ABI3BP: variants seen among roughly 807,000 people sequenced by gnomAD.
ABI3BP encodes ABI family member 3 binding protein.
In ABI3BP, 216 loss-of-function variants were observed where a neutral mutation model predicts 268.6. The ratio of observed to expected loss-of-function variants is 0.80; its 90% CI spans 0.72 to 0.90. The LOEUF is 0.90. Among genes scored for constraint, ABI3BP ranks in the 40% least tolerant of loss-of-function variants. ABI3BP has a pLI of 0.00. For synonymous variants in ABI3BP, 730 were observed against 730.0 expected, an observed-to-expected ratio of 1.00 and a Z score of 0.00; for missense variants, 2,090 against 2,182.4, an observed-to-expected ratio of 0.96 and a Z score of 0.84.
At chr3:100,880,869 T>C (rs2099222270) in intron 6 of ABI3BP, among the ~76,000 whole-genome samples, 3 of 152,120 alleles carry the variant, frequency 2.0e-5, no homozygotes, top group Admixed American at 2.0e-4. Context: ...TTTTGTGGCA[T>C]CAGAATATTA....
Position 100,820,271 on chromosome 3 carries a change from G to A in ABI3BP, c.2980C>T (p.Arg994Cys), listed in dbSNP as rs749192370. The A allele has an allele frequency of 5.9e-6, 9 of 1,536,066 alleles. No homozygotes were observed. The highest frequency in any genetic ancestry group is 3.9e-5 in the Admixed American group (2 of 50,972). ...CTTGGTGTGGTTTTAGTTTTGGGAC[G>A]TGGACGACGAGTTCGTTGTGATGTT... ...PKTSQRTRRP[R>C]PKTKTTPSPE... Residue 994 changes from arginine to cysteine, a missense_variant, in exon 40 of 68, where the codon CGT (arginine) becomes TGT (cysteine). Transcript: ENST00000471714.
intron 1 of ABI3BP, among the ~76,000 whole-genome samples, chr3:100,955,361 T>A (rs1196537964): frequency 6.6e-6 from 1 of 152,242 alleles, no homozygotes; most frequent in African/African-American, 2.4e-5. Flanking sequence ...CTTTCACAAA[T>A]GACTGCTGAT....
At chr3:100,798,097 G>T (rs1316490886) in intron 51 of ABI3BP, among the ~76,000 whole-genome samples, 1 of 152,098 alleles carries the variant, frequency 6.6e-6, no homozygotes, top group Admixed American at 6.5e-5. Context: ...ACAAAAAGGA[G>T]CTGGGATTAA....
At chr3:100,810,323 G>A (rs1232446272) in intron 49 of ABI3BP, 89 bp downstream of exon 49, 1 of 1,127,992 alleles carries the variant, frequency 8.9e-7, no homozygotes, top group South Asian at 1.5e-5. Flanking sequence ...GCAGAATGAT[G>A]AAGTCAGGGC....
intron 57 of ABI3BP, among the ~76,000 whole-genome samples, chr3:100,785,419 G>A (rs12330853): frequency 1.3e-5 from 2 of 152,158 alleles, no homozygotes; most frequent in South Asian, 2.1e-4. Flanking sequence ...GTCTACAACC[G>A]GGAGAGGAGA....
chr3:100,813,454 G>A (rs2097914390), intron 45 of ABI3BP, among the ~76,000 whole-genome samples: 1 of 152,026 alleles, frequency 6.6e-6, no homozygotes, highest in Non-Finnish European at 1.5e-5. Context: ...CAAATGCATT[G>A]AAAAGTATTT....
intron 63 of ABI3BP, among the ~76,000 whole-genome samples, chr3:100,764,996 A>G (rs529955738): frequency 6.6e-6 from 1 of 152,174 alleles, no homozygotes; most frequent in Non-Finnish European, 1.5e-5. Flanking sequence ...TCCCTTTTCT[A>G]CAAAAAGATC....
In ABI3BP at chr3:100,830,146, T is replaced by C. The variant is rs867331746; in HGVS notation, c.2458+432A>G. Among the ~76,000 whole-genome samples, 532 of 59,214 alleles carry C rather than the reference T, an allele frequency of 9.0e-3. 28 individuals carry two copies. The highest frequency in any genetic ancestry group is 0.025 in the African/African-American group (513 of 20,222). 38.8% of individuals were successfully genotyped at this position (59,214 alleles called of 152,430 possible). On this transcript the variant is annotated intron_variant, in intron 32 of 67. Coordinates refer to ENST00000471714, the MANE Select transcript of ABI3BP (RefSeq NM_001375547.2). ...ATATATATATATATATATATATATATATATATATATATATATATAAAATGC... is the reference window on the plus strand; with the variant it reads ...ATATATATATATATATATATATATACATATATATATATATATATAAAATGC...
intron 63 of ABI3BP, among the ~76,000 whole-genome samples, chr3:100,759,656 AAAT>A (rs2095835907): frequency 6.6e-6 from 1 of 152,198 alleles, no homozygotes; most frequent in South Asian, 2.1e-4. Flanking sequence ...TAGCAAAGAA[AAAT>A]AAAACTATGT....
intron 31 of ABI3BP, among the ~76,000 whole-genome samples, chr3:100,831,736 C>G (rs560475564): frequency 2.8e-4 from 43 of 152,278 alleles, no homozygotes; most frequent in African/African-American, 9.1e-4. Flanking sequence ...AGTTTCTATG[C>G]TGGTTTCTAA....
intron 62 of ABI3BP, among the ~76,000 whole-genome samples, chr3:100,769,462 G>A (rs1479951595): frequency 6.6e-6 from 1 of 152,120 alleles, no homozygotes; most frequent in Admixed American, 6.5e-5. Flanking sequence ...GCTTAATAAA[G>A]TTACATCGGA....
At position 100,808,335 on chromosome 3, in the gene ABI3BP, C is replaced by T. The variant is rs139322363; in HGVS notation, c.3608-100G>A. Reference sequence around the variant, plus strand: ...GGATGTTTACTGAGTGATTGAAGACCTAAATACTCAACAATGAAGGCTTCT... The same window carrying T: ...GGATGTTTACTGAGTGATTGAAGACTTAAATACTCAACAATGAAGGCTTCT... On this transcript the variant is annotated intron_variant, in intron 49 of 67. Transcript: ENST00000471714. The T allele has an allele frequency of 1.4e-3, 1,108 of 787,414 alleles. 4 individuals are homozygous for T. In the Middle Eastern group the frequency reaches 0.015, roughly 11 times the overall value. The allele number at this position is 787,414 out of a possible 1,614,324, so 48.8% of individuals were successfully genotyped here. A position where few individuals can be genotyped will look rare whatever the true frequency, so the allele number is the denominator to read the frequency against.
At chr3:100,932,613 A>T (rs2064059363) in intron 1 of ABI3BP, among the ~76,000 whole-genome samples, 1 of 152,064 alleles carries the variant, frequency 6.6e-6, no homozygotes, top group Non-Finnish European at 1.5e-5. Context: ...AACATCACTA[A>T]TCGTTACAGA....
intron 62 of ABI3BP, among the ~76,000 whole-genome samples, chr3:100,770,294 G>A (rs558962316): frequency 3.3e-5 from 5 of 152,250 alleles, no homozygotes; most frequent in Admixed American, 3.3e-4. Flanking sequence ...CTTAAGATGA[G>A]AAGAAAATTG....
At chr3:100,823,263 T>G (rs1382438076) in intron 37 of ABI3BP, among the ~76,000 whole-genome samples, 195 bp downstream of exon 37, 6 of 152,154 alleles carry the variant, frequency 3.9e-5, no homozygotes, top group Admixed American at 3.9e-4. Context: ...TTCAAGCAGA[T>G]TATATGGCAT....
chr3:100,944,371 G>A (rs944972962), intron 1 of ABI3BP, among the ~76,000 whole-genome samples: 2 of 151,778 alleles, frequency 1.3e-5, no homozygotes, highest in African/African-American at 4.8e-5. Flanking sequence ...CTCCAGTTTG[G>A]GCACTCATTA....
At chr3:100,850,877 G>T (rs574214408) in intron 15 of ABI3BP, 143 bp from the exon 16 acceptor site, 12 of 611,850 alleles carry the variant, frequency 2.0e-5, no homozygotes, top group Non-Finnish European at 3.5e-5. Context: ...TTTAAAACTA[G>T]TGATACATCA....
At chr3:100,763,031 T>G (rs1217971024) in intron 63 of ABI3BP, among the ~76,000 whole-genome samples, 1 of 152,222 alleles carries the variant, frequency 6.6e-6, no homozygotes, top group African/African-American at 2.4e-5. Flanking sequence ...TACCAAATTC[T>G]TAAAATAATG....
At chr3:100,848,729 C>A in intron 18 of ABI3BP, 72 bp downstream of exon 18, 1 of 1,482,044 alleles carries the variant, frequency 6.7e-7, no homozygotes, top group Non-Finnish European at 9.4e-7. Context: ...ACCTGGCTAT[C>A]CTTCTTACTA....
Sources: gnomAD v4.1 joint callset for allele counts (sites outside exome capture counted in the v4.1 genomes callset) on GRCh38, gnomAD v4.1.1 for gene constraint, MANE v1.5 for transcripts, NCBI Gene and HGNC (gene_info 2026-07-23, HGNC 2026-07-21) for gene names.